Variants in DLEU7 observed in about 807,000 individuals in gnomAD.
The protein encoded by DLEU7 is leukemia-associated protein 7.
Under a neutral mutation model 16.0 loss-of-function variants are expected in DLEU7, and 17 were observed. The ratio of observed to expected loss-of-function variants is 1.06; its 90% CI spans 0.73 to 1.59. DLEU7 has a LOEUF of 1.59. DLEU7 is among the 40% of genes most tolerant of loss of function. The pLI is 0.00. For synonymous variants in DLEU7, 113 were observed against 139.8 expected, an observed-to-expected ratio of 0.81 and a Z score of 1.35; for missense variants, 308 against 314.9, an observed-to-expected ratio of 0.98 and a Z score of 0.17.
chr13:50,766,063 T>A (rs1875095107), intron 1 of DLEU7, among the ~76,000 whole-genome samples: 1 of 152,212 alleles, frequency 6.6e-6, no homozygotes, highest in Admixed American at 6.5e-5. Context: ...TGCGTGTAGC[T>A]TTGCCTCAGC....
intron 1 of DLEU7, among the ~76,000 whole-genome samples, chr13:50,790,838 GGGCTGA>G (rs1183118214): frequency 1.3e-5 from 2 of 152,170 alleles, no homozygotes; most frequent in Non-Finnish European, 2.9e-5. Flanking sequence ...AGAACAACCA[GGGCTGA>G]GGCTTTGTGC....
At chr13:50,730,799 T>TA (rs1193810382) in intron 1 of DLEU7, among the ~76,000 whole-genome samples, 7 of 152,028 alleles carry the variant, frequency 4.6e-5, no homozygotes, top group Non-Finnish European at 8.8e-5. Flanking sequence ...GAGAATTAGA[T>TA]AAAAAAAGAT....
chr13:50,832,358 A>C (rs528656781), intron 1 of DLEU7, among the ~76,000 whole-genome samples: 1 of 151,956 alleles, frequency 6.6e-6, no homozygotes, highest in Non-Finnish European at 1.5e-5. Flanking sequence ...TATTGTGTCT[A>C]TTTGATTCTT....
intron 1 of DLEU7, among the ~76,000 whole-genome samples, chr13:50,790,856 C>T (rs1268245465): frequency 6.6e-6 from 1 of 152,108 alleles, no homozygotes; most frequent in Non-Finnish European, 1.5e-5. Context: ...GCTTTGTGCT[C>T]TTTAGAAAAA....
intron 1 of DLEU7, among the ~76,000 whole-genome samples, chr13:50,814,761 A>AGTGTGTGTGTGTGTGTGTGTGT (rs10670911): frequency 7.2e-6 from 1 of 138,556 alleles, no homozygotes; most frequent in Non-Finnish European, 1.6e-5. Context: ...TATTCATGTG[A>AGTGTGTGTGTGTGTGTGTGTGT]GTGTGTGTGT....
chr13:50,773,768 G>A (rs1464765770), intron 1 of DLEU7, among the ~76,000 whole-genome samples: 1 of 152,218 alleles, frequency 6.6e-6, no homozygotes, highest in African/African-American at 2.4e-5. Context: ...TGTTCTCAGA[G>A]CTCAAACTCC....
At chr13:50,809,431 C>G (rs1264752506) in intron 1 of DLEU7, among the ~76,000 whole-genome samples, 4 of 152,042 alleles carry the variant, frequency 2.6e-5, no homozygotes, top group Non-Finnish European at 5.9e-5. Flanking sequence ...TACTTGACGC[C>G]GGACATAATG....
intron 1 of DLEU7, among the ~76,000 whole-genome samples, chr13:50,789,735 G>A (rs1051812676): frequency 1.1e-4 from 16 of 152,004 alleles, no homozygotes; most frequent in South Asian, 2.1e-4. Flanking sequence ...CCTGGAAATC[G>A]TTTTGTTCTA....
intron 1 of DLEU7, among the ~76,000 whole-genome samples, chr13:50,739,165 A>C (rs915609777): frequency 7.9e-5 from 12 of 152,114 alleles, no homozygotes; most frequent in African/African-American, 2.9e-4. Flanking sequence ...ATTCTTCAGC[A>C]GTTAGATACA....
intron 1 of DLEU7, among the ~76,000 whole-genome samples, chr13:50,756,370 C>CT (rs915571928): frequency 6.6e-6 from 1 of 152,168 alleles, no homozygotes; most frequent in African/African-American, 2.4e-5. Context: ...AGCTCAGACT[C>CT]TCCTTCGATG....
At chr13:50,809,749 CT>C (rs1243202363) in intron 1 of DLEU7, among the ~76,000 whole-genome samples, 4 of 152,096 alleles carry the variant, frequency 2.6e-5, no homozygotes, top group African/African-American at 9.7e-5. Flanking sequence ...GGAGGTCTGA[CT>C]TGAAAAGTTC....
chr13:50,835,572 A>C (rs547933310), intron 1 of DLEU7, among the ~76,000 whole-genome samples: 39 of 152,314 alleles, frequency 2.6e-4, no homozygotes, highest in African/African-American at 8.4e-4. Context: ...AGCGTAATTG[A>C]GAGAGCTTGG....
rs372691233 is a variant in DLEU7, at chr13:50,713,146, A to G, written c.*71T>C. The stretch of plus-strand genomic sequence containing the variant: ...AACATCCCATCTCATCCCATCTGGC[A>G]TTCAGAATTTGGCACTGGTTATTGA... On this transcript the variant is annotated 3_prime_UTR_variant, in exon 2 of 2. Transcript: ENST00000400393. The G allele has an allele frequency of 2.6e-5, 41 of 1,567,500 alleles. No homozygotes were observed. In the African/African-American group the frequency reaches 5.3e-4, roughly 20 times the overall value.
chr13:50,755,887 C>A (rs1029441589), intron 1 of DLEU7, among the ~76,000 whole-genome samples: 4 of 152,148 alleles, frequency 2.6e-5, no homozygotes, highest in African/African-American at 7.2e-5. Flanking sequence ...TGTTCAGATT[C>A]TTTTGTCCCA....
chr13:50,832,357 T>C (rs1877303049), intron 1 of DLEU7, among the ~76,000 whole-genome samples: 1 of 152,218 alleles, frequency 6.6e-6, no homozygotes, highest in East Asian at 1.9e-4. Flanking sequence ...TTATTGTGTC[T>C]ATTTGATTCT....
intron 1 of DLEU7, among the ~76,000 whole-genome samples, chr13:50,743,658 G>C (rs1417608596): frequency 6.6e-6 from 1 of 152,130 alleles, no homozygotes; most frequent in Non-Finnish European, 1.5e-5. Flanking sequence ...TTTGTATTGA[G>C]AGCAACTAAG....
intron 1 of DLEU7, among the ~76,000 whole-genome samples, chr13:50,715,164 TGTGA>T (rs1385272997): frequency 3.3e-5 from 5 of 152,008 alleles, no homozygotes; most frequent in African/African-American, 1.2e-4. Flanking sequence ...CCAGCGAGAG[TGTGA>T]GTGTGTGGAA....
chr13:50,793,885 A>G (rs7325986), intron 1 of DLEU7, among the ~76,000 whole-genome samples: 65,790 of 151,908 alleles, frequency 0.43, 14,671 homozygotes, highest in African/African-American at 0.55. Context: ...TTCTAGTTTT[A>G]TTGCAATTGC....
At chr13:50,781,827 C>A (rs1875657132) in intron 1 of DLEU7, among the ~76,000 whole-genome samples, 1 of 152,062 alleles carries the variant, frequency 6.6e-6, no homozygotes, top group Admixed American at 6.5e-5. Flanking sequence ...GTTTTATTTG[C>A]AAATATTTGT....
Sources: gnomAD v4.1 joint callset for allele counts (sites outside exome capture counted in the v4.1 genomes callset) on GRCh38, gnomAD v4.1.1 for gene constraint, MANE v1.5 for transcripts, NCBI Gene and HGNC (gene_info 2026-07-23, HGNC 2026-07-21) for gene names.